Variants in TRPV3 observed in about 807,000 individuals in gnomAD.
TRPV3 encodes the protein transient receptor potential cation channel subfamily V member 3.
A neutral mutation model predicts 87.1 loss-of-function variants in TRPV3; 88 were observed. The observed-to-expected ratio is 1.01, with a 90% CI of 0.85 to 1.21. The LOEUF is 1.21. Among genes scored for constraint, TRPV3 ranks in the 50% most tolerant of loss-of-function variants. The pLI is 0.00. For synonymous variants in TRPV3, 438 were observed against 423.3 expected, an observed-to-expected ratio of 1.03 and a Z score of -0.43; for missense variants, 1,054 against 1,030.1, an observed-to-expected ratio of 1.02 and a Z score of -0.32.
At chr17:3,543,721 G>A (rs115097688) in intron 4 of TRPV3, 93 bp from the exon 5 acceptor site, 21 of 1,531,118 alleles carry the variant, frequency 1.4e-5, no homozygotes, top group Non-Finnish European at 1.9e-5. Context: ...GGGCGCTGCA[G>A]CTGCCGCCAA....
chr17:3,538,504 C>T (rs1406011940), intron 6 of TRPV3, among the ~76,000 whole-genome samples: 1 of 151,384 alleles, frequency 6.6e-6, no homozygotes, highest in Non-Finnish European at 1.5e-5. Flanking sequence ...TTTCTGTACA[C>T]CGTTGTGGGG....
intron 6 of TRPV3, among the ~76,000 whole-genome samples, chr17:3,535,947 G>A (rs1354713758): frequency 1.3e-5 from 2 of 152,256 alleles, no homozygotes; most frequent in Admixed American, 6.5e-5. Context: ...CTGGGGGTCA[G>A]TGGGTGCCCA....
At chr17:3,542,756 C>A in intron 5 of TRPV3, 58 bp from the exon 6 acceptor site, 1 of 1,564,158 alleles carries the variant, frequency 6.4e-7, no homozygotes, top group Non-Finnish European at 8.7e-7. Context: ...TTGGCCCTCC[C>A]AGCCCAGAGG....
At chr17:3,527,060 G>A in intron 11 of TRPV3, 133 bp from the exon 12 acceptor site, 1 of 708,484 alleles carries the variant, frequency 1.4e-6, no homozygotes, top group South Asian at 1.7e-5. Flanking sequence ...AGTCCAGGTG[G>A]CGGATCTGAA....
At position 3,524,212 on chromosome 17, in the gene TRPV3, C is replaced by T. The variant is rs200894372; in HGVS notation, c.1729G>A (p.Val577Ile). The change falls in exon 13 of 18, where the codon GTC (valine) becomes ATC (isoleucine). Residue 577 changes from valine to isoleucine, a missense_variant. Transcript: ENST00000576742. ...RGFQSMGMYS[V>I]MIQKVILHDV... is the part of the protein sequence containing the mutation. ...TCTCAACGCACCTTCTGGATCATGA[C>T]GCTGTACATGCCCATGGACTGGAAA... The T allele has an allele frequency of 1.2e-4, 193 of 1,614,144 alleles. 1 individual carries two copies. The highest frequency in any genetic ancestry group is 9.8e-4 in the East Asian group (44 of 44,886).
rs2074105031 is a variant in TRPV3, at chr17:3,510,960, C to A, written c.*2957G>T. On this transcript the variant is annotated 3_prime_UTR_variant, in exon 18 of 18. Transcript: ENST00000576742. ...AAGGTTAAGCACCTTTTATTCCTAA[C>A]AGATATATCACATAATGTCTAGAAT... 6.6e-6 allele frequency: 1 copy of A among 152,244 alleles called. No homozygotes were observed. The highest frequency in any genetic ancestry group is 6.5e-5 in the Admixed American group (1 of 15,286). The allele number at this position is 152,244 out of a possible 1,614,324, so 9.4% of individuals were successfully genotyped here.
intron 13 of TRPV3, 112 bp downstream of exon 13, chr17:3,524,086 G>A (rs2074271625): frequency 1.5e-6 from 2 of 1,375,854 alleles, no homozygotes; most frequent in Admixed American, 2.1e-5. Flanking sequence ...TTGGGAGAAA[G>A]AGCAGTGACC....
intron 6 of TRPV3, 84 bp from the exon 7 acceptor site, chr17:3,535,797 C>T: frequency 7.4e-7 from 1 of 1,358,192 alleles, no homozygotes; most frequent in Middle Eastern, 2.8e-4. Context: ...CCATACCCTC[C>T]CCGAACCCAC....
At chr17:3,549,542 T>C (rs2074553825) in intron 2 of TRPV3, among the ~76,000 whole-genome samples, 1 of 152,214 alleles carries the variant, frequency 6.6e-6, no homozygotes, top group Non-Finnish European at 1.5e-5. Flanking sequence ...GGAGGATAGA[T>C]AATGAGTGAA....
At chr17:3,526,975 G>T (rs547786430) in intron 11 of TRPV3, 48 bp from the exon 12 acceptor site, 2 of 1,510,250 alleles carry the variant, frequency 1.3e-6, no homozygotes, top group African/African-American at 1.4e-5. Flanking sequence ...ATGGCCCTCA[G>T]CAGGGGAGCT....
At position 3,542,664 on chromosome 17, in the gene TRPV3, C is replaced by T. The variant is rs780723914; in HGVS notation, c.501G>A (p.Thr167=). The part of the protein sequence containing the change: ...FLMHKLTASD[T]GKTCLMKALL... ...AGGCCTTCATCAGGCAGGTCTTCCC[C>T]GTGTCGGAGGCCGTCAGCTTGTGCA... Residue 167 remains threonine, a synonymous_variant, in exon 6 of 18, where the codon ACG becomes ACA. Coordinates refer to ENST00000576742, the MANE Select transcript of TRPV3 (RefSeq NM_145068.4). The T allele has an allele frequency of 9.9e-6, 16 of 1,614,064 alleles. No homozygotes were observed. Among genetic ancestry groups the T allele is most frequent in the East Asian group, 2.2e-5 (1 of 44,872 alleles).
At chr17:3,546,971 A>AAAAAAAAAAAAACAAAC (rs1465437779) in intron 2 of TRPV3, among the ~76,000 whole-genome samples, 3 of 151,670 alleles carry the variant, frequency 2.0e-5, no homozygotes, top group African/African-American at 7.3e-5. Flanking sequence ...CCTTCTCAAA[A>AAAAAAAAAAAAACAAAC]AAAAAAAACT....
At position 3,544,598 on chromosome 17, in the gene TRPV3, ATG is replaced by A. The variant is rs767344601; in HGVS notation, c.290_291del (p.Pro97LeufsTer32). 4 of 1,606,112 alleles carry A rather than the reference ATG, an allele frequency of 2.5e-6. No homozygotes were observed. In the South Asian group the frequency reaches 4.4e-5, roughly 18 times the overall value. Reference sequence around the variant, plus strand: ...ACTTACCTGGGGCTGTTGGGATTGGATGGGGTCTCTGTCACATCATCCTGAGG... The same window carrying A: ...ACTTACCTGGGGCTGTTGGGATTGGAGGGTCTCTGTCACATCATCCTGAGG... ...QSPQDDVTET[P>X]SNPNSPSAQL... On this transcript the variant is annotated frameshift_variant, in exon 4 of 18. Coordinates refer to ENST00000576742, the MANE Select transcript of TRPV3 (RefSeq NM_145068.4). LOFTEE classifies it high-confidence loss of function.
chr17:3,524,907 T>C (rs1209666933), intron 12 of TRPV3, among the ~76,000 whole-genome samples: 1 of 151,974 alleles, frequency 6.6e-6, no homozygotes, highest in Non-Finnish European at 1.5e-5. Flanking sequence ...ACCAAAGATG[T>C]GGTAAATGAT....
At chr17:3,541,298 G>T (rs2074457767) in intron 6 of TRPV3, among the ~76,000 whole-genome samples, 1 of 152,178 alleles carries the variant, frequency 6.6e-6, no homozygotes, top group Admixed American at 6.5e-5. Flanking sequence ...AACCTGGGAG[G>T]CAGAGGTTGC....
rs2150774255 is a variant in TRPV3, at chr17:3,512,032, A to T, written c.*1885T>A. 1 of 152,310 alleles carries T rather than the reference A, an allele frequency of 6.6e-6. No individual in the cohort carries two copies. The highest frequency in any genetic ancestry group is 2.4e-5 in the African/African-American group (1 of 41,570). 9.4% of individuals were successfully genotyped at this position (152,310 alleles called of 1,614,324 possible). A position where few individuals can be genotyped will look rare whatever the true frequency, so the allele number is the denominator to read the frequency against. On this transcript the variant is annotated 3_prime_UTR_variant, in exon 18 of 18. Coordinates refer to ENST00000576742, the MANE Select transcript of TRPV3 (RefSeq NM_145068.4). The stretch of plus-strand genomic sequence containing the variant: ...ATCTCCAGGCTAAAAGGGACCTTAA[A>T]CTTCTTCCAATGACCATTTTCAACA...
Position 3,515,442 on chromosome 17 carries a change from C to T in TRPV3, c.2199-770G>A, listed in dbSNP as rs925560247. On this transcript the variant is annotated intron_variant, in intron 16 of 17. Coordinates refer to ENST00000576742, the MANE Select transcript of TRPV3 (RefSeq NM_145068.4). The stretch of plus-strand genomic sequence containing the variant: ...TTGGGAGGCCGAGGGGGGTGGATCA[C>T]TTGAGGCCAGGAATTCAAGACCAGC... Among the ~76,000 whole-genome samples the T allele has an allele frequency of 3.3e-5, 5 of 152,066 alleles. No homozygotes were observed. In the South Asian group the frequency reaches 6.2e-4, roughly 19 times the overall value.
chr17:3,528,842 C>T lies in TRPV3; in HGVS notation c.1396G>A (p.Glu466Lys), dbSNP rs781619847. Residue 466 changes from glutamate to lysine, a missense_variant, in exon 10 of 18, where the codon GAG becomes AAG. Physicochemically the swap from Glu to Lys is moderately conservative, Grantham distance 56. Transcript: ENST00000576742. This position sits in a 1 kb window ranked among gnomAD's most constrained non-coding sequence, Gnocchi z 4.2. ...TLVSYYRPREEEAIPHPLALT... is the reference protein window; with the variant it reads ...TLVSYYRPREKEAIPHPLALT... ...CCTCCAAGGGGCCCACGTACCTCCT[C>T]CTCCCGGGGGCGGTAGTACGAGACG... The T allele has an allele frequency of 6.2e-7, 1 of 1,614,088 alleles. No individual in the cohort carries two copies. Among genetic ancestry groups the T allele is most frequent in the Admixed American group, 1.7e-5 (1 of 60,006 alleles).
chr17:3,525,006 T>A lies in TRPV3; in HGVS notation c.1578-643A>T, dbSNP rs571935290. ...AGTCCCCCAAACCCTACTTTTTAAA[T>A]CGTGGTGTTTTTTGGGGGGGTCAGG... On this transcript the variant is annotated intron_variant, in intron 12 of 17. Transcript: ENST00000576742. Among the ~76,000 whole-genome samples, 3 of 152,226 alleles carry A rather than the reference T, an allele frequency of 2.0e-5. No individual in the cohort carries two copies. The South Asian group carries it at 6.2e-4, about 32-fold the overall frequency.
Sources: allele counts gnomAD v4.1 joint callset (sites outside exome capture counted in the v4.1 genomes callset), GRCh38; gene constraint gnomAD v4.1.1; non-coding constraint Gnocchi (gnomAD v3.1); transcripts MANE v1.5; gene names NCBI Gene and HGNC (gene_info 2026-07-23, HGNC 2026-07-21).